Variants in NALF1 observed in about 807,000 individuals in gnomAD.
NALF1 encodes the protein NALCN channel auxiliary factor 1.
NALF1 carries 3 observed loss-of-function variants against 48.4 expected under a neutral mutation model. That is an observed-to-expected ratio of 0.06 (90% CI 0.03 to 0.16). The LOEUF (loss-of-function observed/expected upper bound fraction) is 0.16. Ranked by LOEUF, NALF1 falls within the 10% of genes least tolerant of loss-of-function variation. The pLI is 1.00. For missense variants in NALF1, 526 were observed against 571.5 expected, an observed-to-expected ratio of 0.92 and a Z score of 0.81; for synonymous variants, 262 against 245.7, an observed-to-expected ratio of 1.07 and a Z score of -0.62.
chr13:107,762,063 C>G (rs1375527573), intron 1 of NALF1, among the ~76,000 whole-genome samples: 1 of 152,076 alleles, frequency 6.6e-6, no homozygotes, highest in East Asian at 1.9e-4. Flanking sequence ...GGGCACACAA[C>G]TTGTAACTGA....
intron 1 of NALF1, among the ~76,000 whole-genome samples, chr13:107,397,508 G>A (rs999393927): frequency 6.6e-5 from 10 of 152,058 alleles, no homozygotes; most frequent in African/African-American, 1.4e-4. Flanking sequence ...AATGATTGGC[G>A]GGCACATCTT....
At chr13:107,258,442 A>G (rs756457133) in intron 1 of NALF1, among the ~76,000 whole-genome samples, 10 of 152,292 alleles carry the variant, frequency 6.6e-5, no homozygotes, top group Non-Finnish European at 1.5e-4. Context: ...AGCTAGAGAG[A>G]GGTAATGGCC....
intron 1 of NALF1, among the ~76,000 whole-genome samples, chr13:107,459,476 C>T (rs1401114267): frequency 2.0e-5 from 3 of 152,002 alleles, no homozygotes; most frequent in Non-Finnish European, 4.4e-5. Flanking sequence ...GAGCCAAAGA[C>T]TGATAAGTCT....
chr13:107,407,693 C>T (rs1297286247), intron 1 of NALF1, among the ~76,000 whole-genome samples: 1 of 151,850 alleles, frequency 6.6e-6, no homozygotes, highest in South Asian at 2.1e-4. Context: ...AGTTTGGAAG[C>T]TCTTTAAAAA....
chr13:107,638,394 G>GATTC (rs573099939), intron 1 of NALF1, among the ~76,000 whole-genome samples: 35 of 151,778 alleles, frequency 2.3e-4, no homozygotes, highest in African/African-American at 2.7e-4. Context: ...AGGAAAGTAT[G>GATTC]ATTCATTCAT....
chr13:107,212,059 GCAC>G (rs1401792352), intron 1 of NALF1, among the ~76,000 whole-genome samples: 4 of 152,190 alleles, frequency 2.6e-5, no homozygotes, highest in Non-Finnish European at 4.4e-5. Context: ...TACTTTTAAA[GCAC>G]TTATGAAATC....
chr13:107,865,014 A>G (rs1880671699), intron 1 of NALF1, among the ~76,000 whole-genome samples: 1 of 152,262 alleles, frequency 6.6e-6, no homozygotes, highest in African/African-American at 2.4e-5. Context: ...CTAGTCAATC[A>G]CTAGACACCT....
intron 1 of NALF1, among the ~76,000 whole-genome samples, chr13:107,782,967 TG>T (rs561008026): frequency 1.2e-5 from 1 of 80,616 alleles, no homozygotes; most frequent in Non-Finnish European, 2.6e-5. Context: ...GGGAGGGAGG[TG>T]GGGGGTCAGC....
intron 1 of NALF1, among the ~76,000 whole-genome samples, chr13:107,660,465 AC>A (rs1566434031): frequency 3.1e-4 from 38 of 123,168 alleles, no homozygotes; most frequent in African/African-American, 3.8e-4. Context: ...ACACACACAC[AC>A]ACACACACAC....
intron 1 of NALF1, among the ~76,000 whole-genome samples, chr13:107,782,743 C>G (rs1172622285): frequency 1.3e-5 from 2 of 149,752 alleles, no homozygotes; most frequent in African/African-American, 4.9e-5. Context: ...TGCCCGGTCG[C>G]GACCCCGTCT....
chr13:107,770,008 G>C (rs1275747034), intron 1 of NALF1, among the ~76,000 whole-genome samples: 4 of 152,180 alleles, frequency 2.6e-5, no homozygotes, highest in African/African-American at 4.8e-5. Flanking sequence ...TGTCCCCTGG[G>C]TTCACACCAT....
rs1880710817 is a variant in NALF1 at position 107,866,176 on chromosome 13, C to T, written c.421G>A (p.Gly141Ser). The T allele has an allele frequency of 1.2e-6, 2 of 1,603,976 alleles. No individual in the cohort carries two copies. The highest frequency in any genetic ancestry group is 1.7e-5 in the Admixed American group (1 of 59,058). The change falls in exon 1 of 3, where the codon GGC (glycine) becomes AGC (serine). Residue 141 changes from glycine to serine, a missense_variant. Around this residue, in one of 2 missense-constraint regions of NALF1, gnomAD observed 373 missense variants for 355.5 expected, o/e 1.05. Transcript: ENST00000375915. The surrounding 1 kb of genome is among the most constrained non-coding windows in gnomAD (Gnocchi z 4.4). ...TTGCCTCGGTTGCCCTTGCCGCCGC[C>T]GCCGCCGCCGTCTCCCGGGGAGGGG... ...LPPSPGDGGG[G>S]GGKGNRGKDD...
intron 1 of NALF1, among the ~76,000 whole-genome samples, chr13:107,678,237 T>C (rs76197698): frequency 0.027 from 4,041 of 152,190 alleles, 229 homozygotes; most frequent in East Asian, 0.23. Flanking sequence ...CAGGAGGACA[T>C]GGTGAACGGG....
At chr13:107,702,484 A>C (rs1881846350) in intron 1 of NALF1, among the ~76,000 whole-genome samples, 1 of 150,336 alleles carries the variant, frequency 6.7e-6, no homozygotes, top group South Asian at 2.1e-4. Context: ...TATTTTAGAA[A>C]TTTTCTACTA....
chr13:107,382,072 C>A (rs1282942922), intron 1 of NALF1, among the ~76,000 whole-genome samples: 1 of 152,174 alleles, frequency 6.6e-6, no homozygotes, highest in East Asian at 1.9e-4. Context: ...TACTGCTATG[C>A]CACTATCATC....
chr13:107,374,721 G>T (rs1883306531), intron 1 of NALF1, among the ~76,000 whole-genome samples: 1 of 152,130 alleles, frequency 6.6e-6, no homozygotes, highest in Non-Finnish European at 1.5e-5. Flanking sequence ...CATGAGGCCA[G>T]AGTCCTCATG....
At chr13:107,320,535 G>A (rs1882234731) in intron 1 of NALF1, among the ~76,000 whole-genome samples, 1 of 152,084 alleles carries the variant, frequency 6.6e-6, no homozygotes, top group Admixed American at 6.6e-5. Context: ...AGTTAATCAT[G>A]ATGAACCTAG....
chr13:107,566,261 G>T (rs1877806744), intron 1 of NALF1, among the ~76,000 whole-genome samples: 2 of 152,250 alleles, frequency 1.3e-5, no homozygotes, highest in Middle Eastern at 6.8e-3. Context: ...ACATTATTTG[G>T]GAAATAAGGT....
chr13:107,423,841 T>G (rs1465902079), intron 1 of NALF1, among the ~76,000 whole-genome samples: 1 of 152,218 alleles, frequency 6.6e-6, no homozygotes, highest in African/African-American at 2.4e-5. Context: ...GACATATGTA[T>G]GATCATGTAT....
Sources: allele counts gnomAD v4.1 joint callset (sites outside exome capture counted in the v4.1 genomes callset), GRCh38; gene constraint gnomAD v4.1.1; regional missense constraint gnomAD v4.1.1; non-coding constraint Gnocchi (gnomAD v3.1); transcripts MANE v1.5; gene names NCBI Gene and HGNC (gene_info 2026-07-23, HGNC 2026-07-21).